SH3GL2: variants seen among roughly 807,000 people sequenced by gnomAD.
SH3GL2 encodes endophilin-A1.
In SH3GL2, 24 loss-of-function variants were observed where a neutral mutation model predicts 46.0. That is an observed-to-expected ratio of 0.52 (90% confidence interval 0.38 to 0.73). The LOEUF is 0.73. SH3GL2 is among the 30% of genes least tolerant of loss of function. The pLI is 0.00. For missense variants in SH3GL2, 413 were observed against 424.2 expected, an observed-to-expected ratio of 0.97 and a Z score of 0.23; for synonymous variants, 196 against 147.1, an observed-to-expected ratio of 1.33 and a Z score of -2.40.
At chr9:17,754,892 C>G (rs990123552) in intron 2 of SH3GL2, among the ~76,000 whole-genome samples, 6 of 152,106 alleles carry the variant, frequency 3.9e-5, no homozygotes, top group African/African-American at 1.4e-4. Context: ...TTGGCTGAGA[C>G]TGTGGGGTTT....
chr9:17,617,274 G>C (rs955988129), intron 1 of SH3GL2, among the ~76,000 whole-genome samples: 13 of 152,132 alleles, frequency 8.5e-5, no homozygotes, highest in African/African-American at 2.7e-4. Flanking sequence ...ATATAAAGTT[G>C]TACATATATG....
intron 1 of SH3GL2, among the ~76,000 whole-genome samples, chr9:17,603,070 A>G (rs1818698741): frequency 6.6e-6 from 1 of 152,208 alleles, no homozygotes; most frequent in African/African-American, 2.4e-5. Flanking sequence ...TTCTGAGGAC[A>G]TGCCACTGAG....
chr9:17,761,256 C>T (rs538633185), intron 2 of SH3GL2, among the ~76,000 whole-genome samples, 181 bp from the exon 3 acceptor site: 1 of 152,304 alleles, frequency 6.6e-6, no homozygotes, highest in East Asian at 1.9e-4. Context: ...CACATCTTGG[C>T]AGACCACTGC....
chr9:17,777,368 A>G (rs1383325434), intron 3 of SH3GL2, among the ~76,000 whole-genome samples: 1 of 152,202 alleles, frequency 6.6e-6, no homozygotes, highest in Non-Finnish European at 1.5e-5. Context: ...ATAGTAATTC[A>G]GATAGTTTTA....
chr9:17,790,975 T>C (rs190617099), intron 6 of SH3GL2, among the ~76,000 whole-genome samples: 71 of 152,302 alleles, frequency 4.7e-4, no homozygotes, highest in African/African-American at 1.6e-3. Flanking sequence ...TATATGGTCT[T>C]CCTGAGGGTT....
intron 8 of SH3GL2, among the ~76,000 whole-genome samples, chr9:17,795,300 A>C (rs980909950): frequency 1.3e-5 from 2 of 152,244 alleles, no homozygotes; most frequent in African/African-American, 4.8e-5. Flanking sequence ...TACTGGAAAC[A>C]GAAACAGGAA....
chr9:17,604,409 C>T (rs1341165715), intron 1 of SH3GL2, among the ~76,000 whole-genome samples: 2 of 152,188 alleles, frequency 1.3e-5, no homozygotes, highest in South Asian at 2.1e-4. Flanking sequence ...AGGTGCTTAG[C>T]ATAGTATTTT....
intron 1 of SH3GL2, among the ~76,000 whole-genome samples, chr9:17,653,095 T>C (rs1819993754): frequency 1.3e-5 from 2 of 152,202 alleles, no homozygotes; most frequent in South Asian, 2.1e-4. Context: ...TTCTCAAAAA[T>C]CCAATCTGAA....
At chr9:17,611,320 T>C (rs1792691531) in intron 1 of SH3GL2, among the ~76,000 whole-genome samples, 1 of 152,204 alleles carries the variant, frequency 6.6e-6, no homozygotes, top group African/African-American at 2.4e-5. Flanking sequence ...TAGGACATTT[T>C]GGTTTCTTTT....
intron 1 of SH3GL2, among the ~76,000 whole-genome samples, chr9:17,731,423 GAGAGAGAGAGAGAA>G (rs1343639332): frequency 1.4e-5 from 2 of 146,910 alleles, no homozygotes; most frequent in Admixed American, 6.7e-5. Context: ...AGGTAGGGAA[GAGAGAGAGAGAGAA>G]AGAGAGAGAG....
At chr9:17,774,658 G>A (rs1053502807) in intron 3 of SH3GL2, among the ~76,000 whole-genome samples, 3 of 151,880 alleles carry the variant, frequency 2.0e-5, no homozygotes. Context: ...TGGTCATGGG[G>A]TATAATTTTT....
chr9:17,670,857 A>C (rs564047795), intron 1 of SH3GL2, among the ~76,000 whole-genome samples: 55 of 152,290 alleles, frequency 3.6e-4, no homozygotes, highest in African/African-American at 1.2e-3. Context: ...TAACAGATTC[A>C]CCTGGAAGGC....
chr9:17,609,392 C>T (rs1310305818), intron 1 of SH3GL2, among the ~76,000 whole-genome samples: 2 of 151,784 alleles, frequency 1.3e-5, no homozygotes, highest in Non-Finnish European at 2.9e-5. Context: ...GTCTCTGTAC[C>T]CATAAAACTC....
chr9:17,679,403 G>C (rs944899649), intron 1 of SH3GL2, among the ~76,000 whole-genome samples: 4 of 152,086 alleles, frequency 2.6e-5, no homozygotes, highest in Admixed American at 2.6e-4. Context: ...AACTTTGAAT[G>C]GGAGTTCACT....
chr9:17,725,740 C>G (rs1373530205), intron 1 of SH3GL2, among the ~76,000 whole-genome samples: 3 of 152,248 alleles, frequency 2.0e-5, no homozygotes, highest in African/African-American at 4.8e-5. Flanking sequence ...CCTTGCTGCA[C>G]AAATGGGAAC....
chr9:17,713,750 T>C (rs1717273481), intron 1 of SH3GL2, among the ~76,000 whole-genome samples: 1 of 151,776 alleles, frequency 6.6e-6, no homozygotes, highest in Non-Finnish European at 1.5e-5. Flanking sequence ...AAATACGTTA[T>C]AGAACTTGAA....
chr9:17,747,282 T>G, intron 2 of SH3GL2, 148 bp downstream of exon 2: 1 of 573,532 alleles, frequency 1.7e-6, no homozygotes, highest in East Asian at 2.9e-5. Flanking sequence ...TTCATGTATG[T>G]TTTAAAACAT....
intron 1 of SH3GL2, among the ~76,000 whole-genome samples, chr9:17,579,599 CTGCCGCGGCGCGCAGG>C (rs1307646950): frequency 1.3e-5 from 2 of 152,162 alleles, no homozygotes; most frequent in African/African-American, 2.4e-5. Flanking sequence ...GGCTGCACTG[CTGCCGCGGCGCGCAGG>C]TGCCTTGGCG....
intron 1 of SH3GL2, among the ~76,000 whole-genome samples, chr9:17,678,601 A>G (rs1820679418): frequency 2.0e-5 from 3 of 151,922 alleles, no homozygotes; most frequent in Admixed American, 1.3e-4. Context: ...CTCTGATGGT[A>G]TTTTCTTTTG....
Sources: allele counts gnomAD v4.1 joint callset (sites outside exome capture counted in the v4.1 genomes callset), GRCh38; gene constraint gnomAD v4.1.1; transcripts MANE v1.5; gene names NCBI Gene and HGNC (gene_info 2026-07-23, HGNC 2026-07-21).